Variants in SFRP1 observed in about 807,000 individuals in gnomAD.
The protein encoded by SFRP1 is secreted frizzled related protein 1, also known as secreted frizzled-related protein 1.
SFRP1 carries 9 observed loss-of-function variants against 25.9 expected under a neutral mutation model. That is an observed-to-expected ratio of 0.35 (90% CI 0.21 to 0.61). The LOEUF (loss-of-function observed/expected upper bound fraction) is 0.61, where lower values mean the gene tolerates loss of function less well. Among genes scored for constraint, SFRP1 ranks in the 20% least tolerant of loss-of-function variants. The pLI is 0.78. For missense variants in SFRP1, 346 were observed against 418.2 expected, an observed-to-expected ratio of 0.83 and a Z score of 1.51; for synonymous variants, 178 against 174.0, an observed-to-expected ratio of 1.02 and a Z score of -0.18.
chr8:41,279,411 C>T (rs1391813749), intron 2 of SFRP1, among the ~76,000 whole-genome samples: 1 of 152,122 alleles, frequency 6.6e-6, no homozygotes, highest in Non-Finnish European at 1.5e-5. Context: ...CCTCTAACAG[C>T]CTAGAAGGCA....
intron 2 of SFRP1, among the ~76,000 whole-genome samples, chr8:41,298,656 C>A (rs1803873306): frequency 6.6e-6 from 1 of 152,166 alleles, no homozygotes; most frequent in Non-Finnish European, 1.5e-5. Context: ...CTCAAGCAAT[C>A]CTCCTGCCTC....
At chr8:41,286,972 C>A (rs956585902) in intron 2 of SFRP1, among the ~76,000 whole-genome samples, 1 of 152,246 alleles carries the variant, frequency 6.6e-6, no homozygotes, top group African/African-American at 2.4e-5. Flanking sequence ...ATGCCTCTGG[C>A]TTCCTGCCCA....
intron 2 of SFRP1, among the ~76,000 whole-genome samples, chr8:41,292,762 C>T (rs1376556973): frequency 6.6e-6 from 1 of 152,204 alleles, no homozygotes; most frequent in Non-Finnish European, 1.5e-5. Context: ...ATTGTTGAAT[C>T]ATCTCTGCAA....
At chr8:41,277,893 G>A (rs1216278361) in intron 2 of SFRP1, among the ~76,000 whole-genome samples, 1 of 152,230 alleles carries the variant, frequency 6.6e-6, no homozygotes, top group Non-Finnish European at 1.5e-5. Flanking sequence ...TTACAAGCAT[G>A]AGCCACTGTG....
At chr8:41,307,341 C>T (rs1461535643) in intron 1 of SFRP1, among the ~76,000 whole-genome samples, 1 of 152,230 alleles carries the variant, frequency 6.6e-6, no homozygotes, top group East Asian at 1.9e-4. Context: ...GTGGACCCAT[C>T]TCCACCCTCC....
chr8:41,275,269 G>C (rs765297310), intron 2 of SFRP1: 6 of 422,348 alleles, frequency 1.4e-5, no homozygotes, highest in South Asian at 1.0e-4. Flanking sequence ...GGGATGAATG[G>C]GGGCCTAGCC....
intron 2 of SFRP1, among the ~76,000 whole-genome samples, chr8:41,300,102 T>C (rs1446438900): frequency 6.6e-6 from 1 of 152,196 alleles, no homozygotes; most frequent in Non-Finnish European, 1.5e-5. Flanking sequence ...AGTAAAACAC[T>C]GTCCCCCAAA....
At chr8:41,281,088 A>G (rs1212515015) in intron 2 of SFRP1, among the ~76,000 whole-genome samples, 2 of 152,166 alleles carry the variant, frequency 1.3e-5, no homozygotes, top group Non-Finnish European at 2.9e-5. Context: ...CCTCTAATGT[A>G]TGCAGCTCCC....
At chr8:41,308,509 G>C (rs966492648) in intron 1 of SFRP1, 107 bp downstream of exon 1, 23 of 910,406 alleles carry the variant, frequency 2.5e-5, no homozygotes, top group Non-Finnish European at 3.4e-5. Flanking sequence ...TCAGTCCCCA[G>C]CACCGGGACC....
intron 2 of SFRP1, among the ~76,000 whole-genome samples, chr8:41,279,186 G>T (rs916185858): frequency 6.6e-6 from 1 of 152,072 alleles, no homozygotes; most frequent in African/African-American, 2.4e-5. Flanking sequence ...ACATCAGGGG[G>T]CTCAGCTAAA....
At chr8:41,285,780 A>G (rs987092788) in intron 2 of SFRP1, among the ~76,000 whole-genome samples, 1 of 152,210 alleles carries the variant, frequency 6.6e-6, no homozygotes, top group Non-Finnish European at 1.5e-5. Context: ...GACCTAGGAC[A>G]GACAGGCGTG....
At chr8:41,283,177 TTC>T (rs975123789) in intron 2 of SFRP1, among the ~76,000 whole-genome samples, 11 of 152,218 alleles carry the variant, frequency 7.2e-5, no homozygotes, top group Non-Finnish European at 1.5e-4. Flanking sequence ...ATGTCCTTGT[TTC>T]TCCTTCCCTT....
At chr8:41,265,744 T>C (rs1803427666) in intron 2 of SFRP1, among the ~76,000 whole-genome samples, 1 of 152,190 alleles carries the variant, frequency 6.6e-6, no homozygotes, top group East Asian at 1.9e-4. Flanking sequence ...AATTACAGTG[T>C]CGGCCATCCT....
intron 2 of SFRP1, among the ~76,000 whole-genome samples, chr8:41,291,137 G>A (rs533772887): frequency 1.1e-4 from 17 of 151,408 alleles, no homozygotes; most frequent in African/African-American, 3.1e-4. Context: ...CTCGATCTCC[G>A]GACCTCATGA....
Position 41,308,785 on chromosome 8 carries a change from G to C in SFRP1, c.375C>G (p.Pro125=). 1 of 1,611,328 alleles carries C rather than the reference G, an allele frequency of 6.2e-7. No homozygotes were observed. The highest frequency in any genetic ancestry group is 8.5e-7 in the Non-Finnish European group (1 of 1,179,122). The stretch of plus-strand genomic sequence containing the variant: ...CGCAGAGCCAGCGACACGGGTAGAT[G>C]GGCCGGTCCAGGCAGACGGGCGCGA... ...SLFAPVCLDR[P]IYPCRWLCEA... Residue 125 remains proline (P), a synonymous_variant, in exon 1 of 3, where the codon CCC becomes CCG. Transcript: ENST00000220772.
Position 41,290,455 on chromosome 8 carries a change from G to T in SFRP1, c.622+13006C>A, listed in dbSNP as rs562598263. Reference sequence around the variant, plus strand: ...CCCCTGGTCAATAACAAAGTCTGGAGAGAAAAGTCAGGACCATTTATGATG... The same window carrying T: ...CCCCTGGTCAATAACAAAGTCTGGATAGAAAAGTCAGGACCATTTATGATG... On this transcript the variant is annotated intron_variant, in intron 2 of 2. Coordinates refer to ENST00000220772, the MANE Select transcript of SFRP1 (RefSeq NM_003012.5). Among the ~76,000 whole-genome samples, 160 of 152,348 alleles carry T rather than the reference G, an allele frequency of 1.1e-3. 1 individual carries two copies. The highest frequency in any genetic ancestry group is 1.6e-3 in the Admixed American group (25 of 15,302).
At chr8:41,298,308 T>C (rs1000455770) in intron 2 of SFRP1, 3 of 152,216 alleles carry the variant, frequency 2.0e-5, no homozygotes, top group Admixed American at 6.5e-5. Flanking sequence ...TAGGCAATTA[T>C]AGTTAACAAT....
rs1169254443 is a variant in SFRP1, at chr8:41,291,680, A to G, written c.622+11781T>C. Reference sequence around the variant, plus strand: ...CCTGGTAGAGCAGAACCACTTCCCAATCACACCCCATGACCATTTTCTGGA... The same window carrying G: ...CCTGGTAGAGCAGAACCACTTCCCAGTCACACCCCATGACCATTTTCTGGA... On this transcript the variant is annotated intron_variant, in intron 2 of 2. Transcript: ENST00000220772. Among the ~76,000 whole-genome samples the G allele has an allele frequency of 2.6e-5, 4 of 151,912 alleles. No homozygotes were observed. The East Asian group carries it at 7.7e-4, about 29-fold the overall frequency.
intron 2 of SFRP1, among the ~76,000 whole-genome samples, chr8:41,285,932 TCCCCAGGAA>T: frequency 1.4e-5 from 2 of 146,696 alleles, no homozygotes; most frequent in Non-Finnish European, 3.0e-5. Context: ...GGGGTATGGG[TCCCCAGGAA>T]CTCTCAGGCT....
Sources: gnomAD v4.1 joint callset for allele counts (sites outside exome capture counted in the v4.1 genomes callset) on GRCh38, gnomAD v4.1.1 for gene constraint, MANE v1.5 for transcripts, NCBI Gene and HGNC (gene_info 2026-07-23, HGNC 2026-07-21) for gene names.